Variants in KCNMA1 observed in about 807,000 individuals in gnomAD.
The protein encoded by KCNMA1 is Calcium-activated potassium channel subunit alpha-1.
A neutral mutation model predicts 140.0 loss-of-function variants in KCNMA1; 29 were observed. That is an observed-to-expected ratio of 0.21 (90% CI 0.15 to 0.28). The LOEUF (loss-of-function observed/expected upper bound fraction) is 0.28. Among genes scored for constraint, KCNMA1 ranks in the 10% least tolerant of loss-of-function variants. The pLI is 1.00. For missense variants in KCNMA1, 880 were observed against 1,602.2 expected, an observed-to-expected ratio of 0.55 and a Z score of 7.70; for synonymous variants, 612 against 611.9, an observed-to-expected ratio of 1.00 and a Z score of 0.00.
intron 1 of KCNMA1, among the ~76,000 whole-genome samples, chr10:77,446,871 A>G (rs963905920): frequency 6.6e-6 from 1 of 152,040 alleles, no homozygotes; most frequent in African/African-American, 2.4e-5. Flanking sequence ...CTCTCTTTCT[A>G]CCTCCATACC....
chr10:77,177,818 G>T (rs1411006123), intron 5 of KCNMA1, among the ~76,000 whole-genome samples: 1 of 152,090 alleles, frequency 6.6e-6, no homozygotes, highest in South Asian at 2.1e-4. Context: ...GCAATTACGG[G>T]CTTAATTATA....
intron 1 of KCNMA1, among the ~76,000 whole-genome samples, chr10:77,569,065 A>G (rs2069704142): frequency 9.7e-6 from 1 of 103,182 alleles, no homozygotes; most frequent in Non-Finnish European, 2.0e-5. Context: ...ACTACAAACC[A>G]CTGCTCAAGG....
intron 23 of KCNMA1, among the ~76,000 whole-genome samples, chr10:76,923,664 T>C (rs2056749129): frequency 6.6e-6 from 1 of 152,160 alleles, no homozygotes; most frequent in Admixed American, 6.6e-5. Context: ...ACTTCTCAGT[T>C]TTACCTTATC....
At chr10:77,542,547 A>C (rs982152218) in intron 1 of KCNMA1, among the ~76,000 whole-genome samples, 2 of 152,260 alleles carry the variant, frequency 1.3e-5, no homozygotes, top group African/African-American at 2.4e-5. Context: ...AGGGAATCTA[A>C]TTCTATAGCT....
intron 1 of KCNMA1, among the ~76,000 whole-genome samples, chr10:77,515,831 C>T (rs2050194280): frequency 6.6e-6 from 1 of 152,188 alleles, no homozygotes; most frequent in South Asian, 2.1e-4. Context: ...AGCCCCTGGG[C>T]TGGGAGGCTT....
chr10:77,310,988 A>T (rs1464802495), intron 2 of KCNMA1, among the ~76,000 whole-genome samples: 1 of 152,062 alleles, frequency 6.6e-6, no homozygotes, highest in African/African-American at 2.4e-5. Context: ...TTCATTGCAG[A>T]TTTTCTTCCT....
intron 2 of KCNMA1, among the ~76,000 whole-genome samples, chr10:77,256,952 TA>T (rs1417162839): frequency 1.3e-5 from 2 of 151,960 alleles, no homozygotes; most frequent in Admixed American, 1.3e-4. Flanking sequence ...AAAAAAACTT[TA>T]AAAAAATTAT....
intron 1 of KCNMA1, among the ~76,000 whole-genome samples, chr10:77,508,792 A>G (rs2047224965): frequency 1.3e-5 from 2 of 151,794 alleles, no homozygotes; most frequent in South Asian, 4.2e-4. Context: ...TGTAACCAAA[A>G]ACATCTCCCT....
At chr10:76,873,045 G>A (rs913604110), downstream of KCNMA1, 14 of 152,240 alleles carry the variant, frequency 9.2e-5, no homozygotes, top group African/African-American at 2.4e-4. Flanking sequence ...ATCTATCCAT[G>A]TGGGGCTGTG....
intron 3 of KCNMA1, among the ~76,000 whole-genome samples, chr10:77,221,128 T>C (rs190982399): frequency 6.6e-6 from 1 of 152,316 alleles, no homozygotes. Context: ...TATTCACAAA[T>C]GCAAATTGCT....
chr10:77,543,649 A>C (rs1344650959), intron 1 of KCNMA1, among the ~76,000 whole-genome samples: 1 of 152,220 alleles, frequency 6.6e-6, no homozygotes, highest in Non-Finnish European at 1.5e-5. Context: ...AAACAAATCA[A>C]AGACCAAAAT....
At chr10:77,437,117 G>A (rs2097282095) in intron 1 of KCNMA1, among the ~76,000 whole-genome samples, 1 of 152,058 alleles carries the variant, frequency 6.6e-6, no homozygotes, top group African/African-American at 2.4e-5. Context: ...AATTTATCTT[G>A]ACCACCAGAC....
At chr10:76,960,293 AT>A (rs1344496522) in intron 20 of KCNMA1, among the ~76,000 whole-genome samples, 2 of 152,176 alleles carry the variant, frequency 1.3e-5, no homozygotes, top group African/African-American at 4.8e-5. Context: ...TAATCTCAGC[AT>A]TTTGGAGGGC....
At chr10:77,538,014 T>C (rs1427626061) in intron 1 of KCNMA1, among the ~76,000 whole-genome samples, 2 of 151,654 alleles carry the variant, frequency 1.3e-5, no homozygotes, top group Non-Finnish European at 2.9e-5. Context: ...CACATTCGTA[T>C]ACTCTACACG....
intron 13 of KCNMA1, among the ~76,000 whole-genome samples, chr10:77,076,711 G>A (rs1348870440): frequency 6.6e-6 from 1 of 152,158 alleles, no homozygotes; most frequent in Admixed American, 6.5e-5. Flanking sequence ...GAAGATAATG[G>A]ATGTCAAAGC....
chr10:77,170,220 A>G (rs1174290357), intron 5 of KCNMA1, among the ~76,000 whole-genome samples: 4 of 152,188 alleles, frequency 2.6e-5, no homozygotes, highest in African/African-American at 7.2e-5. Context: ...AATTTAAAAA[A>G]AAGAAAAATG....
At chr10:77,002,777 GT>G (rs1374366881) in intron 18 of KCNMA1, among the ~76,000 whole-genome samples, 1 of 152,198 alleles carries the variant, frequency 6.6e-6, no homozygotes, top group East Asian at 1.9e-4. Flanking sequence ...AGGCAAACAT[GT>G]TTGCTTATCA....
chr10:77,075,602 C>A (rs2096369508), intron 13 of KCNMA1, among the ~76,000 whole-genome samples: 1 of 152,182 alleles, frequency 6.6e-6, no homozygotes, highest in Non-Finnish European at 1.5e-5. Flanking sequence ...GTTCTGTAGG[C>A]ATATTTTGAG....
At chr10:77,043,681 C>T (rs2094866605) in intron 14 of KCNMA1, among the ~76,000 whole-genome samples, 1 of 152,162 alleles carries the variant, frequency 6.6e-6, no homozygotes, top group African/African-American at 2.4e-5. Flanking sequence ...AAAACTCTGA[C>T]ACATGCTACA....
Sources: gnomAD v4.1 joint callset for allele counts (sites outside exome capture counted in the v4.1 genomes callset) on GRCh38, gnomAD v4.1.1 for gene constraint, MANE v1.5 for transcripts, NCBI Gene and HGNC (gene_info 2026-07-23, HGNC 2026-07-21) for gene names.